ASCC3: variants seen among roughly 807,000 people sequenced by gnomAD.
ASCC3 encodes the protein ASC-1 complex subunit P200.
ASCC3 carries 158 observed loss-of-function variants against 256.3 expected under a neutral mutation model. The observed-to-expected ratio is 0.62, with a 90% confidence interval of 0.54 to 0.70. The LOEUF (loss-of-function observed/expected upper bound fraction) is 0.70. ASCC3 is among the 30% of genes least tolerant of loss of function. The probability of loss-of-function intolerance (pLI) is 0.00; values close to 1 mark genes in which losing one functional copy is unlikely to be tolerated. For synonymous variants in ASCC3, 948 were observed against 883.4 expected (o/e 1.07, Z -1.30); for missense variants, 2,259 against 2,626.0 (o/e 0.86, Z 3.05).
At chr6:100,844,102 G>C (rs1772277909) in intron 4 of ASCC3, among the ~76,000 whole-genome samples, 1 of 149,582 alleles carries the variant, frequency 6.7e-6, no homozygotes, top group Non-Finnish European at 1.5e-5. Context: ...GGCTTTATAA[G>C]AAAAGAAATT....
chr6:100,758,559 G>T (rs1781291417), intron 10 of ASCC3, among the ~76,000 whole-genome samples: 1 of 152,132 alleles, frequency 6.6e-6, no homozygotes, highest in Non-Finnish European at 1.5e-5. Context: ...CCCTGCAAAG[G>T]ACATGATCTC....
intron 25 of ASCC3, among the ~76,000 whole-genome samples, chr6:100,637,567 C>G (rs1409150087): frequency 6.6e-6 from 1 of 152,010 alleles, no homozygotes; most frequent in Non-Finnish European, 1.5e-5. Context: ...GATAGTGATT[C>G]CTCTGATGGA....
chr6:100,820,452 G>T (rs1052463196), intron 4 of ASCC3, among the ~76,000 whole-genome samples: 1 of 152,108 alleles, frequency 6.6e-6, no homozygotes, highest in African/African-American at 2.4e-5. Context: ...AAATTAAGCT[G>T]CACCTTTACT....
At chr6:100,563,227 C>A (rs1770046105) in intron 36 of ASCC3, among the ~76,000 whole-genome samples, 1 of 151,908 alleles carries the variant, frequency 6.6e-6, no homozygotes, top group Non-Finnish European at 1.5e-5. Context: ...TGCACATTTA[C>A]CCATTTCCTT....
intron 30 of ASCC3, among the ~76,000 whole-genome samples, chr6:100,618,874 C>T (rs1035670152): frequency 5.3e-5 from 8 of 152,242 alleles, no homozygotes; most frequent in South Asian, 2.1e-4. Context: ...TACATCATGA[C>T]GATACCCTGT....
intron 14 of ASCC3, 34 bp from the exon 15 acceptor site, chr6:100,662,570 G>A (rs1165250150): frequency 3.1e-6 from 5 of 1,593,438 alleles, no homozygotes; most frequent in South Asian, 1.1e-5. Context: ...GTATTATTTA[G>A]CATTTAAAAG....
intron 4 of ASCC3, among the ~76,000 whole-genome samples, chr6:100,819,601 C>T (rs1770938493): frequency 6.6e-6 from 1 of 151,802 alleles, no homozygotes; most frequent in Non-Finnish European, 1.5e-5. Context: ...ATCCAAGAGT[C>T]CAAAAGCTGA....
chr6:100,518,163 T>C, intron 37 of ASCC3, 21 bp from the exon 38 acceptor site: 2 of 1,613,080 alleles, frequency 1.2e-6, no homozygotes, highest in Non-Finnish European at 8.5e-7. Flanking sequence ...AAAATGCACA[T>C]GTTACAAGAA....
intron 5 of ASCC3, among the ~76,000 whole-genome samples, chr6:100,804,983 A>T (rs1276391539): frequency 6.6e-6 from 1 of 152,118 alleles, no homozygotes. Flanking sequence ...TCACAACAGG[A>T]AAGACACAGA....
intron 10 of ASCC3, among the ~76,000 whole-genome samples, chr6:100,750,727 T>A (rs2115092887): frequency 6.6e-6 from 1 of 152,116 alleles, no homozygotes; most frequent in Non-Finnish European, 1.5e-5. Context: ...TTCACCATTC[T>A]TTTATAAAAC....
intron 25 of ASCC3, 136 bp from the exon 26 acceptor site, chr6:100,631,349 A>G: frequency 4.5e-6 from 3 of 664,428 alleles, no homozygotes; most frequent in Non-Finnish European, 7.9e-6. Flanking sequence ...GAATACTCAA[A>G]TTTTTAAATC....
intron 10 of ASCC3, among the ~76,000 whole-genome samples, chr6:100,733,752 A>T (rs529098429): frequency 6.6e-6 from 1 of 152,108 alleles, no homozygotes; most frequent in South Asian, 2.1e-4. Flanking sequence ...CAGCATTAAA[A>T]CTCAACCTCT....
intron 14 of ASCC3, among the ~76,000 whole-genome samples, chr6:100,672,045 C>T (rs1178484496): frequency 1.3e-5 from 2 of 151,970 alleles, no homozygotes; most frequent in African/African-American, 4.8e-5. Context: ...CTTGTCTGTT[C>T]TCTTTTGCTT....
intron 27 of ASCC3, among the ~76,000 whole-genome samples, chr6:100,628,368 T>A (rs1774357244): frequency 3.9e-5 from 6 of 152,170 alleles, no homozygotes. Flanking sequence ...AATAAAAATA[T>A]ATCATATATT....
rs536507176 is a variant in ASCC3, at chr6:100,737,320, T to C, written c.1738-11617A>G. 2.6e-5 allele frequency among the ~76,000 whole-genome samples: 4 copies of C among 152,054 alleles called. No individual in the cohort carries two copies. The South Asian group carries it at 8.3e-4, about 32-fold the overall frequency. ...GTGCCATGGTGGTTTGCTGTGCAGA[T>C]CATCCCATCACCTTACATATTAAGC... On this transcript the variant is annotated intron_variant, in intron 10 of 41. Transcript: ENST00000369162.
Position 100,608,097 on chromosome 6 carries a change from C to CACATATATATGTATATATATCTATATAT in ASCC3, c.4786-1037_4786-1010dup, listed in dbSNP as rs1339788025. Among the ~76,000 whole-genome samples the CACATATATATGTATATATATCTATATAT allele has an allele frequency of 3.1e-3, 140 of 44,998 alleles. 19 individuals carry two copies. The highest frequency in any genetic ancestry group is 4.7e-3 in the South Asian group (6 of 1,274). 29.5% of individuals were successfully genotyped at this position (44,998 alleles called of 152,430 possible). On this transcript the variant is annotated intron_variant, in intron 30 of 41. Coordinates refer to ENST00000369162, the MANE Select transcript of ASCC3 (RefSeq NM_006828.4). ...ATATATATGTATATATATCTATATACACATATATATGTATATATATCTATA... is the reference window on the plus strand; with the variant it reads ...ATATATATGTATATATATCTATATACACATATATATGTATATATATCTATATATACATATATATGTATATATATCTATA...
intron 8 of ASCC3, among the ~76,000 whole-genome samples, chr6:100,794,035 ACTAGCAG>A (rs1769482359): frequency 6.6e-6 from 1 of 152,026 alleles, no homozygotes; most frequent in Non-Finnish European, 1.5e-5. Context: ...TCTTACATAC[ACTAGCAG>A]CTAAATTTCT....
At chr6:100,774,017 A>G (rs1181028642) in intron 8 of ASCC3, among the ~76,000 whole-genome samples, 1 of 31,732 alleles carries the variant, frequency 3.2e-5, no homozygotes, top group Non-Finnish European at 5.8e-5. Context: ...TATTACATAT[A>G]TAGAGGTTTA....
intron 10 of ASCC3, among the ~76,000 whole-genome samples, chr6:100,764,100 G>T (rs917603753): frequency 2.0e-5 from 3 of 152,174 alleles, no homozygotes; most frequent in African/African-American, 4.8e-5. Flanking sequence ...TATCTCCCTT[G>T]TCTTTCCACA....
Sources: gnomAD v4.1 joint callset for allele counts (sites outside exome capture counted in the v4.1 genomes callset) on GRCh38, gnomAD v4.1.1 for gene constraint, MANE v1.5 for transcripts, NCBI Gene and HGNC (gene_info 2026-07-23, HGNC 2026-07-21) for gene names.